Variants in CDC42SE2 observed in about 807,000 individuals in gnomAD.
CDC42SE2 encodes the protein CDC42 small effector 2.
A neutral mutation model predicts 11.5 loss-of-function variants in CDC42SE2; 3 were observed. That is an observed-to-expected ratio of 0.26 (90% confidence interval 0.12 to 0.67). CDC42SE2 has a LOEUF of 0.67. Among genes scored for constraint, CDC42SE2 ranks in the 30% least tolerant of loss-of-function variants. The pLI is 0.80. For synonymous variants in CDC42SE2, 33 were observed against 34.8 expected (o/e 0.95, Z 0.18); for missense variants, 82 against 106.8 (o/e 0.77, Z 1.02).
chr5:131,385,590 C>T lies in CDC42SE2; in HGVS notation c.102C>T (p.Asn34=), dbSNP rs373897849. The change falls in exon 4 of 5, where the codon AAC becomes AAT. Residue 34 remains asparagine, a synonymous_variant. Coordinates refer to ENST00000505065, the MANE Select transcript of CDC42SE2 (RefSeq NM_001375635.1). ...IDRSMIGEPT[N]FVHTAHVGSG... ...GAAGTATGATTGGAGAGCCCACAAA[C>T]TTTGTGCATACAGCTCATGTTGGAT... The T allele has an allele frequency of 4.6e-5, 75 of 1,613,790 alleles. No individual in the cohort carries two copies. Among genetic ancestry groups the T allele is most frequent in the Non-Finnish European group, 6.0e-5 (71 of 1,179,864 alleles).
At chr5:131,350,235 G>T (rs965069054) in intron 2 of CDC42SE2, among the ~76,000 whole-genome samples, 3 of 151,736 alleles carry the variant, frequency 2.0e-5, no homozygotes, top group African/African-American at 7.3e-5. Flanking sequence ...TTTAAAAAAA[G>T]ATTAAAATAG....
chr5:131,320,514 G>T (rs1758165081), intron 2 of CDC42SE2, among the ~76,000 whole-genome samples: 1 of 152,104 alleles, frequency 6.6e-6, no homozygotes, highest in South Asian at 2.1e-4. Flanking sequence ...GGCCGAGGAG[G>T]GTGGATCATT....
intron 3 of CDC42SE2, among the ~76,000 whole-genome samples, chr5:131,376,829 T>C (rs1476908957): frequency 1.3e-5 from 2 of 152,202 alleles, no homozygotes; most frequent in East Asian, 3.8e-4. Context: ...TCTAGTTCTT[T>C]TTTATGGTTG....
At chr5:131,357,898 A>G (rs1284031009) in intron 2 of CDC42SE2, among the ~76,000 whole-genome samples, 1 of 152,176 alleles carries the variant, frequency 6.6e-6, no homozygotes, top group East Asian at 1.9e-4. Context: ...TGCACAGTCT[A>G]AGGAATAGTC....
intron 3 of CDC42SE2, among the ~76,000 whole-genome samples, chr5:131,378,654 AT>A (rs1750224797): frequency 6.6e-6 from 1 of 152,238 alleles, no homozygotes; most frequent in Non-Finnish European, 1.5e-5. Flanking sequence ...CCTTTAAAAA[AT>A]AAGATATAAA....
chr5:131,282,458 T>C (rs1014688887), intron 1 of CDC42SE2, among the ~76,000 whole-genome samples: 5 of 152,160 alleles, frequency 3.3e-5, no homozygotes, highest in Non-Finnish European at 5.9e-5. Context: ...TTGGAGGTAG[T>C]ATAAATCTGG....
At chr5:131,236,129 T>A in the CDC42SE2 span, among the ~76,000 whole-genome samples, 43 of 152,206 alleles carry the variant, frequency 2.8e-4, no homozygotes, top group Non-Finnish European at 1.5e-4. Context: ...ATTGCAAGTA[T>A]TTTTTCTCAG....
At chr5:131,334,897 TG>T in intron 2 of CDC42SE2, among the ~76,000 whole-genome samples, 1 of 152,332 alleles carries the variant, frequency 6.6e-6, no homozygotes, top group East Asian at 1.9e-4. Context: ...TCAATTTTGT[TG>T]ATCTTTTCAA....
the CDC42SE2 span, among the ~76,000 whole-genome samples, chr5:131,211,123 C>A: frequency 6.6e-6 from 1 of 152,184 alleles, no homozygotes; most frequent in Admixed American, 6.5e-5. Flanking sequence ...AGATGTGAGC[C>A]ACCGCGCCCT....
At chr5:131,371,752 T>C (rs1333241933) in intron 3 of CDC42SE2, among the ~76,000 whole-genome samples, 1 of 152,224 alleles carries the variant, frequency 6.6e-6, no homozygotes, top group African/African-American at 2.4e-5. Flanking sequence ...TCAGTAAATT[T>C]TATCCAAATA....
intron 3 of CDC42SE2, among the ~76,000 whole-genome samples, chr5:131,369,073 A>AT (rs936185873): frequency 6.6e-6 from 1 of 152,276 alleles, no homozygotes; most frequent in African/African-American, 2.4e-5. Flanking sequence ...TGCTGTCCTG[A>AT]TTTTTATGGT....
the CDC42SE2 span, among the ~76,000 whole-genome samples, chr5:131,238,500 T>TAAAAAAA: frequency 9.7e-6 from 1 of 103,550 alleles, no homozygotes. Context: ...CAGACTCGTC[T>TAAAAAAA]AAAAAAAAAA....
Position 131,393,549 on chromosome 5 carries a change from T to C in CDC42SE2, c.*2458T>C, listed in dbSNP as rs935813685. ...CCAAGTGGATGTTGCATTGTGGAAT[T>C]TGCCTGAGTACTGTTGTCATTCTGC... On this transcript the variant is annotated 3_prime_UTR_variant, in exon 5 of 5. Transcript: ENST00000505065. The C allele has an allele frequency of 1.3e-5, 2 of 152,396 alleles. No individual in the cohort carries two copies. The allele number at this position is 152,396 out of a possible 1,614,324, so 9.4% of individuals were successfully genotyped here. A position where few individuals can be genotyped will look rare whatever the true frequency, so the allele number is the denominator to read the frequency against.
At chr5:131,352,323 A>G (rs1749366046) in intron 2 of CDC42SE2, among the ~76,000 whole-genome samples, 1 of 152,226 alleles carries the variant, frequency 6.6e-6, no homozygotes, top group African/African-American at 2.4e-5. Context: ...GGGTAAACAG[A>G]TTGTATAATA....
intron 4 of CDC42SE2, among the ~76,000 whole-genome samples, chr5:131,389,723 G>A (rs1750591572): frequency 6.6e-6 from 1 of 152,188 alleles, no homozygotes. Flanking sequence ...TGATAAGCAG[G>A]TGACTGATAA....
intron 2 of CDC42SE2, among the ~76,000 whole-genome samples, chr5:131,355,409 C>T (rs1017605656): frequency 2.0e-5 from 3 of 151,626 alleles, no homozygotes; most frequent in Non-Finnish European, 4.4e-5. Context: ...CCCGAGAGGT[C>T]AAGGCTGCAG....
the CDC42SE2 span, among the ~76,000 whole-genome samples, chr5:131,213,049 G>A: frequency 2.0e-5 from 3 of 152,118 alleles, no homozygotes; most frequent in Non-Finnish European, 4.4e-5. Flanking sequence ...AATTAGCCAG[G>A]CATGGTGGTA....
At chr5:131,218,195 GA>G in the CDC42SE2 span, among the ~76,000 whole-genome samples, 1 of 140,346 alleles carries the variant, frequency 7.1e-6, no homozygotes, top group South Asian at 2.2e-4. Flanking sequence ...AAAAAAAAAA[GA>G]GGAAGAAGAA....
At chr5:131,302,975 T>C (rs1757714569) in intron 1 of CDC42SE2, among the ~76,000 whole-genome samples, 1 of 152,222 alleles carries the variant, frequency 6.6e-6, no homozygotes, top group African/African-American at 2.4e-5. Flanking sequence ...GGTCTTGGAA[T>C]GTTAACAGCA....
Sources: gnomAD v4.1 joint callset for allele counts (sites outside exome capture counted in the v4.1 genomes callset) on GRCh38, gnomAD v4.1.1 for gene constraint, MANE v1.5 for transcripts, NCBI Gene and HGNC (gene_info 2026-07-23, HGNC 2026-07-21) for gene names.